ADAMTSL1: variants seen among roughly 807,000 people sequenced by gnomAD.
ADAMTSL1 encodes ADAMTS-like protein 1.
In ADAMTSL1, 126 loss-of-function variants were observed where a neutral mutation model predicts 201.8. The ratio of observed to expected loss-of-function variants is 0.62; its 90% CI spans 0.54 to 0.72. ADAMTSL1 has a LOEUF of 0.72. Among genes scored for constraint, ADAMTSL1 ranks in the 30% least tolerant of loss-of-function variants. The probability of loss-of-function intolerance (pLI) is 0.00; values close to 1 mark genes in which losing one functional copy is unlikely to be tolerated. For synonymous variants in ADAMTSL1, 1,121 were observed against 903.4 expected (o/e 1.24, Z -4.32); for missense variants, 2,679 against 2,277.8 (o/e 1.18, Z -3.59).
intron 2 of ADAMTSL1, among the ~76,000 whole-genome samples, chr9:18,466,155 CTGCCAGTTTCTG>C (rs1295953944): frequency 6.6e-6 from 1 of 152,186 alleles, no homozygotes; most frequent in Non-Finnish European, 1.5e-5. Flanking sequence ...CTTTCCATAA[CTGCCAGTTTCTG>C]TGCCAGGAAA....
chr9:18,669,822 C>T (rs1053484693), intron 9 of ADAMTSL1, among the ~76,000 whole-genome samples: 18 of 152,126 alleles, frequency 1.2e-4, no homozygotes, highest in Non-Finnish European at 1.5e-5. Flanking sequence ...AACTTCTGAT[C>T]TCATCCAGTA....
chr9:18,400,794 A>G lies in ADAMTSL1; in HGVS notation c.208-104035A>G, dbSNP rs185683321. ...TATTAGGTACCCCTTACATTAGGGT[A>G]GATCCCACTAGGATCTCTAGCCCTG... On this transcript the variant is annotated intron_variant, in intron 2 of 29. Coordinates refer to the ADAMTSL1 transcript ENST00000680146. Among the ~76,000 whole-genome samples the G allele has an allele frequency of 2.8e-4, 43 of 152,302 alleles. No individual in the cohort carries two copies. In the East Asian group the frequency reaches 4.4e-3, roughly 16 times the overall value.
chr9:18,395,124 C>T (rs1817700844), intron 2 of ADAMTSL1, among the ~76,000 whole-genome samples: 1 of 152,184 alleles, frequency 6.6e-6, no homozygotes, highest in Non-Finnish European at 1.5e-5. Flanking sequence ...TCCTGCTCCC[C>T]CTTGTCCTTA....
intron 7 of ADAMTSL1, among the ~76,000 whole-genome samples, chr9:18,655,684 C>T (rs558113712): frequency 6.6e-6 from 1 of 151,682 alleles, no homozygotes; most frequent in East Asian, 1.9e-4. Flanking sequence ...CTCTTTGAAT[C>T]TAAACAAATG....
chr9:18,629,693 G>A lies in ADAMTSL1; in HGVS notation c.602-6250G>A, dbSNP rs371655520. Among the ~76,000 whole-genome samples, 8 of 152,188 alleles carry A rather than the reference G, an allele frequency of 5.3e-5. No individual in the cohort carries two copies. The East Asian group carries it at 5.8e-4, about 11-fold the overall frequency. On this transcript the variant is annotated intron_variant, in intron 5 of 28. Transcript: ENST00000380548. ...TGTTCATGAGAGATACTGGTCTGTC[G>A]TATTCTTTTTTGTATTGTCTTTGTT...
intron 2 of ADAMTSL1, among the ~76,000 whole-genome samples, chr9:18,220,780 ATT>A (rs111576899): frequency 6.9e-6 from 1 of 145,116 alleles, no homozygotes; most frequent in African/African-American, 2.5e-5. Context: ...GTTACTCCTA[ATT>A]TTTTTTTTTT....
At chr9:18,281,404 A>G (rs1414684903) in intron 2 of ADAMTSL1, among the ~76,000 whole-genome samples, 2 of 152,110 alleles carry the variant, frequency 1.3e-5, no homozygotes, top group Non-Finnish European at 2.9e-5. Flanking sequence ...CAGACTGGGA[A>G]GCAACAACCT....
Position 17,919,187 on chromosome 9 carries a change from G to A in ADAMTSL1, c.87+12265G>A, listed in dbSNP as rs142734264. Among the ~76,000 whole-genome samples, 437 of 150,620 alleles carry A rather than the reference G, an allele frequency of 2.9e-3. 2 individuals carry two copies. Among genetic ancestry groups the A allele is most frequent in the African/African-American group, 0.01 (420 of 41,048 alleles). ...ATCACATTAAAAAAATCAATGATAA[G>A]TATTAATATGTTGTAGTGGCAATAG... On this transcript the variant is annotated intron_variant, in intron 1 of 29. Coordinates refer to the ADAMTSL1 transcript ENST00000680146.
intron 19 of ADAMTSL1, among the ~76,000 whole-genome samples, chr9:18,794,404 CAAAAAAA>C (rs758582204): frequency 1.3e-3 from 121 of 94,248 alleles, no homozygotes; most frequent in African/African-American, 4.1e-3. Flanking sequence ...GACCCTGTCT[CAAAAAAA>C]AAAAACAAAA....
chr9:18,617,168 A>C (rs1240007504), intron 4 of ADAMTSL1, among the ~76,000 whole-genome samples: 1 of 152,204 alleles, frequency 6.6e-6, no homozygotes, highest in African/African-American at 2.4e-5. Flanking sequence ...CTTATGGGAA[A>C]CCATTTGAAA....
intron 1 of ADAMTSL1, among the ~76,000 whole-genome samples, chr9:17,997,364 T>A (rs10810879): frequency 6.6e-6 from 1 of 151,782 alleles, no homozygotes; most frequent in African/African-American, 2.4e-5. Context: ...AATGGACTGG[T>A]GTTGGTTGTG....
intron 1 of ADAMTSL1, among the ~76,000 whole-genome samples, chr9:18,499,148 A>T (rs2131895868): frequency 6.6e-6 from 1 of 152,376 alleles, no homozygotes; most frequent in East Asian, 1.9e-4. Flanking sequence ...GCACTGTGTC[A>T]CTGGCAGTTC....
At chr9:17,925,853 A>G (rs1368079561) in intron 1 of ADAMTSL1, among the ~76,000 whole-genome samples, 1 of 88,962 alleles carries the variant, frequency 1.1e-5, no homozygotes, top group African/African-American at 3.1e-5. Context: ...CTTAAAGTAT[A>G]ATTAAAAAAA....
chr9:18,298,873 T>C (rs982124006), intron 2 of ADAMTSL1, among the ~76,000 whole-genome samples: 3 of 151,814 alleles, frequency 2.0e-5, no homozygotes, highest in African/African-American at 7.3e-5. Context: ...CAGCCGGTCG[T>C]GGTGGCGGGC....
intron 7 of ADAMTSL1, among the ~76,000 whole-genome samples, chr9:18,647,099 C>A (rs1401592000): frequency 6.6e-6 from 1 of 151,112 alleles, no homozygotes; most frequent in African/African-American, 2.4e-5. Flanking sequence ...GATTCAACTT[C>A]TTCCTGGTTT....
chr9:18,656,493 G>C (rs1431611446), intron 7 of ADAMTSL1, among the ~76,000 whole-genome samples: 1 of 151,954 alleles, frequency 6.6e-6, no homozygotes, highest in Admixed American at 6.6e-5. Context: ...GCCGGGCATG[G>C]TGGCAGGCGT....
chr9:17,939,799 A>T (rs1046195598), intron 1 of ADAMTSL1, among the ~76,000 whole-genome samples: 1 of 152,166 alleles, frequency 6.6e-6, no homozygotes, highest in African/African-American at 2.4e-5. Flanking sequence ...TAATCTGAGG[A>T]ACAGAGGCAT....
chr9:18,774,823 T>C (rs749233083), intron 17 of ADAMTSL1, among the ~76,000 whole-genome samples: 4 of 152,220 alleles, frequency 2.6e-5, no homozygotes, highest in Non-Finnish European at 4.4e-5. Context: ...TTGGCAATTA[T>C]GAATCATACT....
chr9:18,485,562 G>A (rs189689921), intron 1 of ADAMTSL1, among the ~76,000 whole-genome samples: 103 of 152,324 alleles, frequency 6.8e-4, no homozygotes, highest in Non-Finnish European at 1.3e-3. Flanking sequence ...GAATGGGAGG[G>A]ATGCTGGCAT....
Sources: allele counts gnomAD v4.1 joint callset (sites outside exome capture counted in the v4.1 genomes callset), GRCh38; gene constraint gnomAD v4.1.1; transcripts MANE v1.5; gene names NCBI Gene and HGNC (gene_info 2026-07-23, HGNC 2026-07-21).